Variants in SCN3A observed in about 807,000 individuals in gnomAD.
The protein encoded by SCN3A is sodium channel protein type 3 subunit alpha.
Under a neutral mutation model 187.6 loss-of-function variants are expected in SCN3A, and 60 were observed. That is an observed-to-expected ratio of 0.32 (90% confidence interval 0.26 to 0.40). The LOEUF (loss-of-function observed/expected upper bound fraction) is 0.40. Ranked by LOEUF, SCN3A falls within the 10% of genes least tolerant of loss-of-function variation. The probability of loss-of-function intolerance (pLI) is 1.00; values close to 1 mark genes in which losing one functional copy is unlikely to be tolerated. For synonymous variants in SCN3A, 788 were observed against 829.2 expected, an observed-to-expected ratio of 0.95 and a Z score of 0.85; for missense variants, 1,601 against 2,428.2, an observed-to-expected ratio of 0.66 and a Z score of 7.16.
At position 165,109,782 on chromosome 2, in the gene SCN3A, T is replaced by C. The variant is rs1447798368; in HGVS notation, c.3843+3103A>G. The stretch of plus-strand genomic sequence containing the variant: ...CTTCTCATGGTCATTATAACTAATA[T>C]ATGATAGATTACATAATGTTAACAT... On this transcript the variant is annotated intron_variant, in intron 21 of 27. Coordinates refer to ENST00000283254, the MANE Select transcript of SCN3A (RefSeq NM_006922.4). Among the ~76,000 whole-genome samples the C allele has an allele frequency of 8.5e-5, 13 of 152,332 alleles. No homozygotes were observed. The South Asian group carries it at 2.1e-3, about 24-fold the overall frequency.
intron 21 of SCN3A, among the ~76,000 whole-genome samples, chr2:165,111,484 TACACAC>T (rs60417556): frequency 0.21 from 30,537 of 142,356 alleles, 3,623 homozygotes; most frequent in East Asian, 0.31. Context: ...GCCAGTCTGA[TACACAC>T]ACACACACAC....
intron 9 of SCN3A, 142 bp from the exon 10 acceptor site, chr2:165,156,045 T>C (rs1689002999): frequency 1.1e-6 from 1 of 932,598 alleles, no homozygotes; most frequent in Non-Finnish European, 1.7e-6. Flanking sequence ...CTTTAGGTGA[T>C]TGCCCACCGT....
chr2:165,161,029 C>T (rs1689335600), intron 9 of SCN3A, among the ~76,000 whole-genome samples: 1 of 152,022 alleles, frequency 6.6e-6, no homozygotes, highest in Admixed American at 6.5e-5. Flanking sequence ...CTCAAGCAAT[C>T]CTTCTACTTT....
chr2:165,146,105 T>C (rs1688304228), intron 12 of SCN3A, among the ~76,000 whole-genome samples: 2 of 152,030 alleles, frequency 1.3e-5, no homozygotes, highest in South Asian at 4.1e-4. Context: ...AACATTTAGG[T>C]CATAATTTCA....
chr2:165,192,516 T>C (rs2105972979), intron 1 of SCN3A, among the ~76,000 whole-genome samples: 1 of 152,282 alleles, frequency 6.6e-6, no homozygotes, highest in Middle Eastern at 3.4e-3. Flanking sequence ...ACATGACTAG[T>C]AAATGTTGCC....
chr2:165,190,553 T>A lies in SCN3A; in HGVS notation c.-247-3806A>T, dbSNP rs557649508. 7.5e-5 allele frequency among the ~76,000 whole-genome samples: 11 copies of A among 147,072 alleles called. No homozygotes were observed. The East Asian group carries it at 7.8e-4, about 10-fold the overall frequency. The stretch of plus-strand genomic sequence containing the variant: ...ATATATAACATTTTATATTTATATA[T>A]AACTTTATATATAACTATATTTATA... On this transcript the variant is annotated intron_variant, in intron 1 of 27. Coordinates refer to ENST00000283254, the MANE Select transcript of SCN3A (RefSeq NM_006922.4).
intron 9 of SCN3A, among the ~76,000 whole-genome samples, chr2:165,156,450 T>C (rs1346028756): frequency 7.5e-6 from 1 of 132,812 alleles, no homozygotes. Context: ...GAGGTGGAGC[T>C]TGCAGTGAGC....
At chr2:165,124,627 C>T (rs1326079327) in intron 18 of SCN3A, among the ~76,000 whole-genome samples, 3 of 152,122 alleles carry the variant, frequency 2.0e-5, no homozygotes, top group Non-Finnish European at 4.4e-5. Context: ...GACTCTGTTT[C>T]CCAACACTGA....
At chr2:165,135,701 T>A (rs1687624817) in intron 15 of SCN3A, among the ~76,000 whole-genome samples, 1 of 152,142 alleles carries the variant, frequency 6.6e-6, no homozygotes, top group Non-Finnish European at 1.5e-5. Context: ...ATTCTATGGG[T>A]AGATATTCTA....
chr2:165,195,571 T>C (rs1380979220), intron 1 of SCN3A: 1 of 152,170 alleles, frequency 6.6e-6, no homozygotes, highest in Non-Finnish European at 1.5e-5. Context: ...ATAGAAACTA[T>C]TTTGTTAAGT....
Position 165,127,735 on chromosome 2 carries a change from G to T in SCN3A, c.3289C>A (p.Pro1097Thr). ...ATTGGCACTGTGACGGTGAGGCTGG[G>T]GTTGTTTATGAATGACATATAATCA... ...ENDYMSFINNPSLTVTVPIAV... is the reference protein window; with the variant it reads ...ENDYMSFINNTSLTVTVPIAV... The change falls in exon 18 of 28, where the codon CCC becomes ACC. Residue 1097 changes from proline to threonine, a missense_variant. Transcript: ENST00000283254. 6.2e-7 allele frequency: 1 copy of T among 1,614,070 alleles called. No homozygotes were observed. Among genetic ancestry groups the T allele is most frequent in the South Asian group, 1.1e-5 (1 of 91,076 alleles).
intron 18 of SCN3A, among the ~76,000 whole-genome samples, chr2:165,121,088 A>G (rs1686653245): frequency 1.3e-5 from 2 of 151,884 alleles, no homozygotes; most frequent in African/African-American, 2.4e-5. Flanking sequence ...CAGCAGAAGT[A>G]CACTAAAGCA....
At chr2:165,142,723 GTGTTGTTGTTGTTGTTGTTGTTGT>G (rs4001045) in intron 12 of SCN3A, among the ~76,000 whole-genome samples, 1 of 148,710 alleles carries the variant, frequency 6.7e-6, no homozygotes, top group Non-Finnish European at 1.5e-5. Flanking sequence ...TCCAGAACTC[GTGTTGTTGTTGTTGTTGTTGTTGT>G]TGTTGTTGTT....
At chr2:165,113,165 A>G in intron 20 of SCN3A, 107 bp from the exon 21 acceptor site, 1 of 821,664 alleles carries the variant, frequency 1.2e-6, no homozygotes, top group Non-Finnish European at 2.0e-6. Context: ...TTGATTATTG[A>G]TATTTTACAT....
At chr2:165,199,111 G>C (rs1333397156) in intron 1 of SCN3A, among the ~76,000 whole-genome samples, 1 of 152,030 alleles carries the variant, frequency 6.6e-6, no homozygotes, top group Non-Finnish European at 1.5e-5. Context: ...TAAGAATAAA[G>C]TATATTCTGA....
rs768387028 is a variant in SCN3A, at chr2:165,162,580, A to G, written c.943T>C (p.Trp315Arg). 2 of 1,614,150 alleles carry G rather than the reference A, an allele frequency of 1.2e-6. No individual in the cohort carries two copies. Among genetic ancestry groups the G allele is most frequent in the Non-Finnish European group, 1.7e-6 (2 of 1,179,996 alleles). ...CTGTCATCTCCAATGTAATCCTTCC[A>G]GTTAAATGTGCTCATTGTTACATTA... ...FVNVTMSTFN[W>R]KDYIGDDSHF... Residue 315 changes from tryptophan (W) to arginine (R), a missense_variant, in exon 8 of 28, where the codon TGG becomes CGG. Physicochemically the swap from Trp to Arg is moderately radical, Grantham distance 101. Transcript: ENST00000283254.
intron 8 of SCN3A, 74 bp from the exon 9 acceptor site, chr2:165,162,445 T>A: frequency 6.3e-7 from 1 of 1,594,720 alleles, no homozygotes; most frequent in East Asian, 2.2e-5. Context: ...TAAATCAGAG[T>A]TGGACTATTT....
rs1428462317 is a variant in SCN3A at position 165,163,091 on chromosome 2, CA to C, written c.695-264del. 1.3e-5 allele frequency among the ~76,000 whole-genome samples: 2 copies of C among 151,988 alleles called. 1 individual carries two copies. The stretch of plus-strand genomic sequence containing the variant: ...TGGTTTTACATGCTGAACAAACATA[CA>C]AAAAAACTTGGAGTTATTTTTCATT... On this transcript the variant is annotated intron_variant, in intron 7 of 27. Coordinates refer to ENST00000283254, the MANE Select transcript of SCN3A (RefSeq NM_006922.4).
chr2:165,140,830 G>C lies in SCN3A; in HGVS notation c.1840C>G (p.Pro614Ala), dbSNP rs868728039. ...SESRRDSLFV[P>A]HRHGERRNSN... is the part of the protein sequence containing the mutation. The stretch of plus-strand genomic sequence containing the variant: ...TTGCGTCGCTCTCCATGTCTGTGCG[G>C]CACAAACAGTGAGTCTCTCCTGCTT... Residue 614 changes from proline (P) to alanine (A), a missense_variant, in exon 13 of 28, where the codon CCG becomes GCG. By Grantham distance (27) the Pro-to-Ala change is conservative (BLOSUM62 -1). Around this residue, in one of 11 missense-constraint regions of SCN3A, gnomAD observed 376 missense variants for 476.0 expected, o/e 0.79. Transcript: ENST00000283254. The surrounding 1 kb of genome is among the most constrained non-coding windows in gnomAD (Gnocchi z 4.2). 7 of 1,614,154 alleles carry C rather than the reference G, an allele frequency of 4.3e-6. No homozygotes were observed. In the South Asian group the frequency reaches 7.7e-5, roughly 18 times the overall value.
Sources: gnomAD v4.1 joint callset for allele counts (sites outside exome capture counted in the v4.1 genomes callset) on GRCh38, gnomAD v4.1.1 for gene constraint, gnomAD v4.1.1 regional missense constraint, Gnocchi (gnomAD v3.1) non-coding constraint, MANE v1.5 for transcripts, NCBI Gene and HGNC (gene_info 2026-07-23, HGNC 2026-07-21) for gene names.